NRAP: variants seen among roughly 807,000 people sequenced by gnomAD.
NRAP encodes the protein nebulin-related-anchoring protein.
NRAP carries 189 observed loss-of-function variants against 225.9 expected under a neutral mutation model. The observed-to-expected ratio is 0.84, with a 90% CI of 0.74 to 0.94. The LOEUF is 0.94. Ranked by LOEUF, NRAP falls within the 40% of genes least tolerant of loss-of-function variation. The pLI is 0.00. For missense variants in NRAP, 2,176 were observed against 2,168.7 expected (o/e 1.00, Z -0.07); for synonymous variants, 769 against 790.7 (o/e 0.97, Z 0.46).
At chr10:113,621,793 T>A in intron 24 of NRAP, 76 bp downstream of exon 24, 1 of 1,404,782 alleles carries the variant, frequency 7.1e-7, no homozygotes. Context: ...ACTGAATGGC[T>A]TAGGGAAACA....
chr10:113,602,094 T>A (rs748148071), intron 35 of NRAP, among the ~76,000 whole-genome samples: 4 of 152,128 alleles, frequency 2.6e-5, no homozygotes, highest in Non-Finnish European at 5.9e-5. Context: ...CCCAGGCTAG[T>A]CTCGAACTTC....
At chr10:113,650,175 T>A in intron 8 of NRAP, 34 bp from the exon 9 acceptor site, 1 of 1,345,016 alleles carries the variant, frequency 7.4e-7, no homozygotes, top group Non-Finnish European at 1.1e-6. Context: ...TCGGTGAATT[T>A]GACTCCCATG....
At position 113,640,250 on chromosome 10, in the gene NRAP, TA is replaced by T. The variant is rs2134089826; in HGVS notation, c.1404del (p.Met469Ter). Reference protein sequence around the residue: ...PATLTPSYQTAMKLVPLKDAN... With the variant: ...PATLTPSYQTXMKLVPLKDAN... ...ACATCTTTCAAGGGCACCAGTTTCATAGCTGTTTGATAGGAAGGCGTGAGAG... is the reference window on the plus strand; with the variant it reads ...ACATCTTTCAAGGGCACCAGTTTCATGCTGTTTGATAGGAAGGCGTGAGAG... On this transcript the variant is annotated frameshift_variant, in exon 14 of 42. Transcript: ENST00000359988. LOFTEE classifies it high-confidence loss of function. 1 of 1,604,016 alleles carries T rather than the reference TA, an allele frequency of 6.2e-7. No individual in the cohort carries two copies. The highest frequency in any genetic ancestry group is 2.3e-5 in the East Asian group (1 of 44,196).
chr10:113,652,202 A>G (rs1006257592), intron 6 of NRAP, among the ~76,000 whole-genome samples: 2 of 152,230 alleles, frequency 1.3e-5, no homozygotes, highest in Non-Finnish European at 2.9e-5. Flanking sequence ...GAAGCCAAGA[A>G]AGAGAGAAAT....
chr10:113,615,900 T>TGCTGCA, intron 26 of NRAP, 84 bp from the exon 27 acceptor site: 1 of 780,174 alleles, frequency 1.3e-6, no homozygotes, highest in Non-Finnish European at 2.3e-6. Flanking sequence ...GAGTCCAAGC[T>TGCTGCA]GCTGCAGCTG....
At chr10:113,660,228 T>C (rs1850583274) in intron 3 of NRAP, among the ~76,000 whole-genome samples, 1 of 151,854 alleles carries the variant, frequency 6.6e-6, no homozygotes, top group African/African-American at 2.4e-5. Flanking sequence ...CATAAACACA[T>C]ACACACCAAA....
chr10:113,662,701 G>A lies in NRAP; in HGVS notation c.233C>T (p.Thr78Ile). The change falls in exon 3 of 42, where the codon ACA becomes ATA. Residue 78 changes from threonine (T) to isoleucine (I), a missense_variant. Thr to Ile is a moderately conservative substitution (Grantham distance 89). Coordinates refer to ENST00000359988, the MANE Select transcript of NRAP (RefSeq NM_198060.4). ...YHTPLNLNVR[T>I]FPEAISGIHD... is the part of the protein sequence containing the mutation. Reference sequence around the variant, plus strand: ...TACCCCACTGATGGCCTCTGGAAATGTCCTCACATTTAGATTTAATGGAGT... The same window carrying A: ...TACCCCACTGATGGCCTCTGGAAATATCCTCACATTTAGATTTAATGGAGT... The A allele has an allele frequency of 6.3e-7, 1 of 1,589,078 alleles. No homozygotes were observed. Among genetic ancestry groups the A allele is most frequent in the Non-Finnish European group, 8.6e-7 (1 of 1,157,268 alleles).
At chr10:113,602,334 C>A (rs1411199690) in intron 35 of NRAP, among the ~76,000 whole-genome samples, 1 of 152,162 alleles carries the variant, frequency 6.6e-6, no homozygotes, top group Non-Finnish European at 1.5e-5. Flanking sequence ...TCCTCAGGTG[C>A]CTGTTCTGTC....
chr10:113,663,205 T>C (rs1850799444), intron 2 of NRAP, 147 bp downstream of exon 2: 1 of 600,346 alleles, frequency 1.7e-6, no homozygotes, highest in Non-Finnish European at 3.0e-6. Context: ...ACCTTAGGTC[T>C]CTTTAATGAC....
Position 113,612,394 on chromosome 10 carries a change from T to A in NRAP, c.3338A>T (p.Gln1113Leu). ...GGCCATGTCCAACGGCAGATGGAACTGCGCCTTTGAGTGTTCAAAGCCTTT... is the reference window on the plus strand; with the variant it reads ...GGCCATGTCCAACGGCAGATGGAACAGCGCCTTTGAGTGTTCAAAGCCTTT... ...YKKGFEHSKA[Q>L]FHLPLDMAAL... Residue 1113 changes from glutamine (Q) to leucine (L), a missense_variant, in exon 30 of 42, where the codon CAG becomes CTG. Physicochemically the swap from Gln to Leu is moderately radical, Grantham distance 113. This residue lies in a region of NRAP where 1,708 missense variants were observed against 1,695.5 expected (regional missense o/e 1.01). Transcript: ENST00000359988. 6 of 1,614,208 alleles carry A rather than the reference T, an allele frequency of 3.7e-6. No individual in the cohort carries two copies. The highest frequency in any genetic ancestry group is 4.2e-6 in the Non-Finnish European group (5 of 1,180,030).
intron 14 of NRAP, among the ~76,000 whole-genome samples, chr10:113,639,813 C>T (rs1327354511): frequency 1.3e-5 from 2 of 152,212 alleles, no homozygotes; most frequent in Non-Finnish European, 2.9e-5. Context: ...AATAGTACCA[C>T]TTCCTCTCAA....
chr10:113,653,879 T>C, intron 5 of NRAP, 142 bp downstream of exon 5: 1 of 690,684 alleles, frequency 1.4e-6, no homozygotes. Context: ...CTGACCCTCC[T>C]GGTTTCAGGG....
chr10:113,648,437 T>TTCTCTCTCTCTCTCTCTCTCTC (rs376144953), intron 9 of NRAP, among the ~76,000 whole-genome samples: 2 of 66,052 alleles, frequency 3.0e-5, no homozygotes, highest in African/African-American at 9.9e-5. Context: ...TTATTTTAGT[T>TTCTCTCTCTCTCTCTCTCTCTC]TCTCTCTCTC....
rs773221420 is a variant in NRAP at position 113,604,772 on chromosome 10, G to A, written c.4064C>T (p.Ala1355Val). 1 of 1,614,212 alleles carries A rather than the reference G, an allele frequency of 6.2e-7. No homozygotes were observed. Among genetic ancestry groups the A allele is most frequent in the Non-Finnish European group, 8.5e-7 (1 of 1,180,042 alleles). Reference protein sequence around the residue: ...QYRRGATSSQAQFHLPMDMVH... With the variant: ...QYRRGATSSQVQFHLPMDMVH... ...CATGTCCATGGGCAGATGGAACTGGGCTTGGCTGCTGGTCGCCCCCCTCCT... is the reference window on the plus strand; with the variant it reads ...CATGTCCATGGGCAGATGGAACTGGACTTGGCTGCTGGTCGCCCCCCTCCT... The change falls in exon 35 of 42, where the codon GCC (alanine) becomes GTC (valine). Residue 1355 changes from alanine to valine, a missense_variant. Ala to Val is a moderately conservative substitution (Grantham distance 64, BLOSUM62 0). Around this residue, in one of 3 missense-constraint regions of NRAP, gnomAD observed 1,708 missense variants for 1,695.5 expected, o/e 1.01. Coordinates refer to ENST00000359988, the MANE Select transcript of NRAP (RefSeq NM_198060.4).
chr10:113,649,310 A>T (rs2900988), intron 9 of NRAP, among the ~76,000 whole-genome samples: 83,453 of 152,034 alleles, frequency 0.55, 24,224 homozygotes, highest in East Asian at 0.7. Context: ...CTGACAAATA[A>T]TTCAAACAAC....
At chr10:113,639,803 A>C (rs1229234471) in intron 14 of NRAP, among the ~76,000 whole-genome samples, 1 of 152,242 alleles carries the variant, frequency 6.6e-6, no homozygotes, top group Non-Finnish European at 1.5e-5. Flanking sequence ...AAATGGAGTC[A>C]ATAGTACCAC....
chr10:113,614,767 G>A (rs1847542363), intron 28 of NRAP, 72 bp downstream of exon 28: 1 of 892,652 alleles, frequency 1.1e-6, no homozygotes, highest in Non-Finnish European at 1.9e-6. Context: ...AAAGAAGGCA[G>A]GAGTTACGGG....
intron 23 of NRAP, among the ~76,000 whole-genome samples, chr10:113,622,526 G>T (rs766340694): frequency 8.5e-5 from 13 of 152,160 alleles, no homozygotes; most frequent in Non-Finnish European, 4.4e-5. Context: ...ATTTGGGGGA[G>T]TATGAGGGGC....
chr10:113,598,394 G>A (rs545721265), intron 35 of NRAP, among the ~76,000 whole-genome samples: 1 of 151,548 alleles, frequency 6.6e-6, no homozygotes, highest in East Asian at 1.9e-4. Context: ...CTAAGCACCA[G>A]CTGGGATTAT....
Sources: gnomAD v4.1 joint callset for allele counts (sites outside exome capture counted in the v4.1 genomes callset) on GRCh38, gnomAD v4.1.1 for gene constraint, gnomAD v4.1.1 regional missense constraint, MANE v1.5 for transcripts, NCBI Gene and HGNC (gene_info 2026-07-23, HGNC 2026-07-21) for gene names.